The following ANKRD50 variants were observed in gnomAD, a reference collection of about 807,000 sequenced individuals.
The protein encoded by ANKRD50 is ankyrin repeat domain 50.
Under a neutral mutation model 112.0 loss-of-function variants are expected in ANKRD50, and 40 were observed. The observed-to-expected ratio is 0.36, with a 90% CI of 0.28 to 0.46. The LOEUF (loss-of-function observed/expected upper bound fraction) is 0.46, where lower values mean the gene tolerates loss of function less well. Ranked by LOEUF, ANKRD50 falls within the 20% of genes least tolerant of loss-of-function variation. The probability of loss-of-function intolerance (pLI) is 1.00; values close to 1 mark genes in which losing one functional copy is unlikely to be tolerated. For synonymous variants in ANKRD50, 613 were observed against 619.1 expected (o/e 0.99, Z 0.15); for missense variants, 1,487 against 1,701.7 (o/e 0.87, Z 2.22).
chr4:124,671,082 C>T lies in ANKRD50; in HGVS notation c.2195G>A (p.Ser732Asn). The change falls in exon 4 of 5, where the codon AGC (serine) becomes AAC (asparagine). Residue 732 changes from serine (S) to asparagine (N), a missense_variant. This residue lies in a region of ANKRD50 where 1,046 missense variants were observed against 1,269.5 expected (regional missense o/e 0.82). Transcript: ENST00000504087. Reference protein sequence around the residue: ...PASKGHASVVSLLIDRGAEVD... With the variant: ...PASKGHASVVNLLIDRGAEVD... ...TTCAGCACCTCGATCAATTAAAAGG[C>T]TAACAACTGATGCGTGCCCTTTACT... 6.2e-7 allele frequency: 1 copy of T among 1,613,798 alleles called. No individual in the cohort carries two copies. Among genetic ancestry groups the T allele is most frequent in the Non-Finnish European group, 8.5e-7 (1 of 1,179,848 alleles).
chr4:124,690,121 AAAAC>A (rs1725101600), intron 2 of ANKRD50, among the ~76,000 whole-genome samples: 4 of 152,216 alleles, frequency 2.6e-5, no homozygotes. Context: ...GAGTTACACA[AAAAC>A]AAACAAAAAA....
chr4:124,669,806 A>T lies in ANKRD50; in HGVS notation c.3471T>A (p.Pro1157=). 6.2e-7 allele frequency: 1 copy of T among 1,613,198 alleles called. No individual in the cohort carries two copies. The part of the protein sequence containing the change: ...QPSLRGLPNG[P]THAFSSPSES... The stretch of plus-strand genomic sequence containing the variant: ...CTGAAGGAGAACTAAAAGCATGAGT[A>T]GGCCCATTAGGTAAACCACGTAACG... Residue 1157 remains proline, a synonymous_variant, in exon 4 of 5, where the codon CCT becomes CCA. Transcript: ENST00000504087.
intron 2 of ANKRD50, among the ~76,000 whole-genome samples, chr4:124,693,502 G>T (rs1400118888): frequency 6.6e-6 from 1 of 152,144 alleles, no homozygotes; most frequent in Non-Finnish European, 1.5e-5. Context: ...AATTACCTGC[G>T]ATGTATCAGA....
chr4:124,695,568 T>G (rs111410431), intron 2 of ANKRD50, among the ~76,000 whole-genome samples: 5 of 152,266 alleles, frequency 3.3e-5, no homozygotes, highest in African/African-American at 9.6e-5. Context: ...AAAGCCAACA[T>G]GAAATCTCTC....
intron 2 of ANKRD50, among the ~76,000 whole-genome samples, chr4:124,694,738 A>G (rs954377069): frequency 6.6e-6 from 1 of 152,184 alleles, no homozygotes; most frequent in Non-Finnish European, 1.5e-5. Flanking sequence ...CAAAATCGTT[A>G]GTATCAGCTT....
chr4:124,675,847 T>C (rs917715587), intron 3 of ANKRD50, among the ~76,000 whole-genome samples: 1 of 151,756 alleles, frequency 6.6e-6, no homozygotes, highest in South Asian at 2.1e-4. Context: ...GTAGTCAAAA[T>C]TGTGCTTAGT....
At chr4:124,712,217 G>A (rs1020355648) in intron 1 of ANKRD50, among the ~76,000 whole-genome samples, 2 of 152,024 alleles carry the variant, frequency 1.3e-5, no homozygotes, top group Non-Finnish European at 1.5e-5. Flanking sequence ...GGGTGACTGA[G>A]GTCCTTGCCA....
chr4:124,695,975 A>G (rs1266074361), intron 2 of ANKRD50, among the ~76,000 whole-genome samples: 1 of 152,154 alleles, frequency 6.6e-6, no homozygotes, highest in Non-Finnish European at 1.5e-5. Context: ...CATTTAACAC[A>G]CTATCAGATA....
intron 2 of ANKRD50, among the ~76,000 whole-genome samples, chr4:124,680,667 T>C (rs904300438): frequency 1.3e-5 from 2 of 152,128 alleles, no homozygotes; most frequent in African/African-American, 4.8e-5. Flanking sequence ...GAACACAATA[T>C]ACTAGAATAA....
Position 124,671,661 on chromosome 4 carries a change from T to C in ANKRD50, c.1616A>G (p.Asn539Ser), listed in dbSNP as rs1433584860. Residue 539 changes from asparagine (N) to serine (S), a missense_variant, in exon 4 of 5, where the codon AAT becomes AGT. By Grantham distance (46) the Asn-to-Ser change is conservative. This residue lies in a region of ANKRD50 where 1,046 missense variants were observed against 1,269.5 expected (regional missense o/e 0.82). Coordinates refer to ENST00000504087, the MANE Select transcript of ANKRD50 (RefSeq NM_020337.3). ...TGTTCTCCCATTTGAATCACACTGA[T>C]TTACTGAAGCTCCATTATCTAATAA... ...RTLLDNGASV[N>S]QCDSNGRTLL... 6.2e-7 allele frequency: 1 copy of C among 1,613,752 alleles called. No homozygotes were observed. Among genetic ancestry groups the C allele is most frequent in the South Asian group, 1.1e-5 (1 of 91,088 alleles).
chr4:124,671,700 T>C lies in ANKRD50; in HGVS notation c.1577A>G (p.Asp526Gly). 6.2e-7 allele frequency: 1 copy of C among 1,613,894 alleles called. No individual in the cohort carries two copies. The highest frequency in any genetic ancestry group is 1.7e-5 in the Admixed American group (1 of 59,984). Residue 526 changes from aspartate to glycine, a missense_variant, in exon 4 of 5, where the codon GAT (aspartate) becomes GGT (glycine). Asp to Gly is a moderately conservative substitution (Grantham distance 94). This residue lies in a region of ANKRD50 where 1,046 missense variants were observed against 1,269.5 expected (regional missense o/e 0.82). Transcript: ENST00000504087. ...ATTATCTAATAATGTCCGAATGGAA[T>C]CCTCTCTTTCTAAGGCTTGTCGAAC... ...CIVRQALERE[D>G]SIRTLLDNGA...
In ANKRD50 at chr4:124,669,012, T is replaced by A. The variant is rs200510669; in HGVS notation, c.4265A>T (p.Asn1422Ile). The change falls in exon 4 of 5, where the codon AAC (asparagine) becomes ATC (isoleucine). Residue 1422 changes from asparagine (N) to isoleucine (I), a missense_variant. By Grantham distance (149) the Asn-to-Ile change is moderately radical (BLOSUM62 -3). Transcript: ENST00000504087. ...LQIEGSDPSF[N>I]YKKETPL ...TTATAATGGTGTTTCCTTTTTATAG[T>A]TGAAGCTAGGGTCAGAACCTTCAAT... 34 of 1,605,514 alleles carry A rather than the reference T, an allele frequency of 2.1e-5. No individual in the cohort carries two copies. The African/African-American group carries it at 4.6e-4, about 22-fold the overall frequency.
intron 2 of ANKRD50, among the ~76,000 whole-genome samples, chr4:124,691,867 T>G (rs1045483606): frequency 6.6e-6 from 1 of 152,208 alleles, no homozygotes; most frequent in Non-Finnish European, 1.5e-5. Flanking sequence ...TTGAAAGCAG[T>G]ACACAAGTTG....
Position 124,666,201 on chromosome 4 carries a change from G to C in ANKRD50, c.*1317C>G, listed in dbSNP as rs565685260. 2.6e-5 allele frequency: 4 copies of C among 152,472 alleles called. No homozygotes were observed. The highest frequency in any genetic ancestry group is 5.9e-5 in the Non-Finnish European group (4 of 67,892). 9.4% of individuals were successfully genotyped at this position (152,472 alleles called of 1,614,324 possible). ...AAGCTACAGCTCCACTGATTTAAGA[G>C]TAAGGAGACTAAGGCTGTGGGACAC... On this transcript the variant is annotated 3_prime_UTR_variant, in exon 5 of 5. Coordinates refer to ENST00000504087, the MANE Select transcript of ANKRD50 (RefSeq NM_020337.3).
chr4:124,678,800 C>T lies in ANKRD50; in HGVS notation c.618G>A (p.Thr206=), dbSNP rs73847559. The change falls in exon 3 of 5, where the codon ACG becomes ACA. Residue 206 remains threonine (T), a synonymous_variant. Transcript: ENST00000504087. ...EGCNITEGEQ[T]STSLSGTVAA... The stretch of plus-strand genomic sequence containing the variant: ...CAACAGTCCCAGATAAGCTGGTAGA[C>T]GTTTGTTCACCTTCAGTAATGTTAC... 2.3e-4 allele frequency: 378 copies of T among 1,613,778 alleles called. 3 individuals are homozygous for T. The African/African-American group carries it at 4.1e-3, about 17-fold the overall frequency.
At position 124,670,390 on chromosome 4, in the gene ANKRD50, C is replaced by T; in HGVS notation, c.2887G>A (p.Glu963Lys). The part of the protein sequence containing the change: ...LALENQLTMA[E>K]YFLENGANVE... Reference sequence around the variant, plus strand: ...TTTGCACCATTTTCTAAAAAATATTCGGCCATTGTAAGCTGATTTTCTAAG... The same window carrying T: ...TTTGCACCATTTTCTAAAAAATATTTGGCCATTGTAAGCTGATTTTCTAAG... Residue 963 changes from glutamate to lysine, a missense_variant, in exon 4 of 5, where the codon GAA (glutamate) becomes AAA (lysine). This residue lies in a region of ANKRD50 where 1,046 missense variants were observed against 1,269.5 expected (regional missense o/e 0.82). Coordinates refer to ENST00000504087, the MANE Select transcript of ANKRD50 (RefSeq NM_020337.3). 6.2e-6 allele frequency: 10 copies of T among 1,613,820 alleles called. No individual in the cohort carries two copies. The highest frequency in any genetic ancestry group is 1.3e-5 in the African/African-American group (1 of 75,010).
At chr4:124,690,911 G>C (rs2110519502) in intron 2 of ANKRD50, among the ~76,000 whole-genome samples, 1 of 152,254 alleles carries the variant, frequency 6.6e-6, no homozygotes, top group African/African-American at 2.4e-5. Flanking sequence ...ATTTTTCAGA[G>C]ATACATTGTC....
At chr4:124,703,818 C>T (rs1025073974) in intron 2 of ANKRD50, among the ~76,000 whole-genome samples, 12 of 152,202 alleles carry the variant, frequency 7.9e-5, no homozygotes, top group African/African-American at 2.9e-4. Flanking sequence ...ATAAATTGGA[C>T]TGCAGAACAG....
At chr4:124,700,723 A>G (rs117287037) in intron 2 of ANKRD50, among the ~76,000 whole-genome samples, 26 of 152,214 alleles carry the variant, frequency 1.7e-4, no homozygotes, top group Non-Finnish European at 2.4e-4. Context: ...CAAGCATTTT[A>G]GCTTTCTTCT....
Sources: allele counts gnomAD v4.1 joint callset (sites outside exome capture counted in the v4.1 genomes callset), GRCh38; gene constraint gnomAD v4.1.1; regional missense constraint gnomAD v4.1.1; transcripts MANE v1.5; gene names NCBI Gene and HGNC (gene_info 2026-07-23, HGNC 2026-07-21).